The following SPATA19 variants were observed in gnomAD, a reference collection of about 807,000 sequenced individuals.
SPATA19 encodes the protein spermatogenesis-associated protein 19, mitochondrial.
SPATA19 carries 19 observed loss-of-function variants against 25.0 expected under a neutral mutation model. The ratio of observed to expected loss-of-function variants is 0.76; its 90% confidence interval spans 0.53 to 1.11. The LOEUF is 1.11. Ranked by LOEUF, SPATA19 falls within the 50% of genes most tolerant of loss-of-function variation. The pLI, the probability that SPATA19 is intolerant of heterozygous loss-of-function variation, is 0.00. For missense variants in SPATA19, 222 were observed against 211.4 expected, an observed-to-expected ratio of 1.05 and a Z score of -0.31; for synonymous variants, 64 against 69.3, an observed-to-expected ratio of 0.92 and a Z score of 0.38.
At chr11:133,844,386 A>G (rs374585632) in intron 3 of SPATA19, 49 bp from the exon 4 acceptor site, 18 of 1,611,130 alleles carry the variant, frequency 1.1e-5, no homozygotes, top group African/African-American at 4.0e-5. Flanking sequence ...GTGGCCCCCA[A>G]CTGGGCTGGC....
At position 133,844,317 on chromosome 11, in the gene SPATA19, C is replaced by CG. The variant is rs760415239; in HGVS notation, c.287_288insC (p.Lys96AsnfsTer3). ...GGCTCTGGTTTGCCAACAAATCAGA[C>CG]TTAGAGAGGTGGTGCTTCACCTGGG... On this transcript the variant is annotated frameshift_variant, in exon 4 of 7. Coordinates refer to ENST00000299140, the MANE Select transcript of SPATA19 (RefSeq NM_174927.3). LOFTEE classifies it high-confidence loss of function. The CG allele has an allele frequency of 1.2e-5, 20 of 1,614,186 alleles. No homozygotes were observed. In the African/African-American group the frequency reaches 1.6e-4, roughly 13 times the overall value.
intron 4 of SPATA19, 100 bp downstream of exon 4, chr11:133,844,146 G>C: frequency 1.0e-6 from 1 of 979,336 alleles, no homozygotes; most frequent in South Asian, 1.3e-5. Context: ...GTCAGCCAAA[G>C]ACGACATCTC....
chr11:133,842,248 G>A, intron 5 of SPATA19, 143 bp from the exon 6 acceptor site: 1 of 850,630 alleles, frequency 1.2e-6, no homozygotes, highest in Non-Finnish European at 2.0e-6. Flanking sequence ...ACAGTCATAT[G>A]AACAGGCCCA....
chr11:133,837,683 A>G (rs569838041), downstream of SPATA19, among the ~76,000 whole-genome samples: 47 of 152,328 alleles, frequency 3.1e-4, no homozygotes, highest in African/African-American at 1.1e-3. Flanking sequence ...GGGGAAGCTG[A>G]GAATCACACA....
chr11:133,842,404 G>A (rs1302569356), intron 5 of SPATA19, 81 bp downstream of exon 5: 61 of 1,058,392 alleles, frequency 5.8e-5, no homozygotes, highest in Admixed American at 1.2e-4. Context: ...ATTGCTGGGT[G>A]TGGGCGGGAA....
chr11:133,840,984 C>G (rs144438262), intron 6 of SPATA19, 61 bp from the exon 7 acceptor site: 276 of 152,298 alleles, frequency 1.8e-3, no homozygotes, highest in African/African-American at 6.5e-3. Flanking sequence ...GGAATTGAAG[C>G]CTGAGTCTGT....
chr11:133,842,239 CA>C, intron 5 of SPATA19, 134 bp from the exon 6 acceptor site: 2 of 898,358 alleles, frequency 2.2e-6, no homozygotes, highest in Non-Finnish European at 3.6e-6. Flanking sequence ...CCTGGGAGCA[CA>C]GTCATATGAA....
intron 1 of SPATA19, 25 bp from the exon 2 acceptor site, chr11:133,845,215 A>G (rs751210150): frequency 5.0e-6 from 8 of 1,612,610 alleles, no homozygotes; most frequent in Non-Finnish European, 6.8e-6. Context: ...CAAGTTGGTG[A>G]CCTCAGAAAA....
At chr11:133,838,742 C>T (rs1026162801), downstream of SPATA19, among the ~76,000 whole-genome samples, 1 of 152,126 alleles carries the variant, frequency 6.6e-6, no homozygotes, top group Non-Finnish European at 1.5e-5. Context: ...GGTGAACAGG[C>T]AACCTACAAA....
chr11:133,837,365 G>A (rs748132518), downstream of SPATA19, among the ~76,000 whole-genome samples: 60 of 152,180 alleles, frequency 3.9e-4, no homozygotes, highest in Non-Finnish European at 8.2e-4. Context: ...TACCTAAACT[G>A]TAACTGACAA....
chr11:133,842,365 G>A, intron 5 of SPATA19, 120 bp downstream of exon 5: 2 of 837,724 alleles, frequency 2.4e-6, no homozygotes, highest in Admixed American at 1.8e-5. Flanking sequence ...GTGTGTCTCT[G>A]CTCTTGATGT....
downstream of SPATA19, among the ~76,000 whole-genome samples, chr11:133,836,886 G>T (rs893891650): frequency 2.1e-4 from 32 of 152,120 alleles, no homozygotes; most frequent in African/African-American, 7.7e-4. Flanking sequence ...GCCAGGCTGG[G>T]GTTCTAGCAC....
chr11:133,842,594 G>C (rs770850486), intron 4 of SPATA19, 32 bp from the exon 5 acceptor site: 2 of 1,537,876 alleles, frequency 1.3e-6, no homozygotes, highest in Admixed American at 3.3e-5. Context: ...TTGGCATATG[G>C]GATCTGAGTT....
At position 133,845,479 on chromosome 11, in the gene SPATA19, C is replaced by T. The variant is rs769951642; in HGVS notation, c.-33G>A. ...TGTATACCAGGCCCCCTTCTTGGCT[C>T]CCTCCTTCCATTGAAGCTGCCTGAG... On this transcript the variant is annotated 5_prime_UTR_variant, in exon 1 of 7. Transcript: ENST00000299140. 1.9e-6 allele frequency: 3 copies of T among 1,611,682 alleles called. No homozygotes were observed. In the South Asian group the frequency reaches 3.3e-5, roughly 18 times the overall value.
chr11:133,845,218 TC>T, intron 1 of SPATA19, 28 bp from the exon 2 acceptor site: 2 of 1,612,604 alleles, frequency 1.2e-6, no homozygotes, highest in South Asian at 1.1e-5. Flanking sequence ...GTTGGTGACC[TC>T]AGAAAACCTA....
intron 4 of SPATA19, among the ~76,000 whole-genome samples, chr11:133,843,428 T>G (rs1938353029): frequency 6.6e-6 from 1 of 152,184 alleles, no homozygotes; most frequent in Non-Finnish European, 1.5e-5. Flanking sequence ...TCCTTTTGGT[T>G]ATGAAATTAC....
chr11:133,845,382 G>C lies in SPATA19; in HGVS notation c.65C>G (p.Pro22Arg), dbSNP rs200874627. 2.1e-5 allele frequency: 34 copies of C among 1,612,730 alleles called. 1 individual carries two copies. Among genetic ancestry groups the C allele is most frequent in the Admixed American group, 3.3e-5 (2 of 59,990 alleles). Reference sequence around the variant, plus strand: ...CAAGCTGCTTACCGAACTGGTTATTGGTAGGAAGGGAAGCCCTACACCTTT... The same window carrying C: ...CAAGCTGCTTACCGAACTGGTTATTCGTAGGAAGGGAAGCCCTACACCTTT... ...ARKGVGLPFL[P>R]ITSSDIDVVE... The change falls in exon 1 of 7, where the codon CCA becomes CGA. Residue 22 changes from proline (P) to arginine (R), a missense_variant. Transcript: ENST00000299140.
At chr11:133,844,373 A>G (rs1414344680) in intron 3 of SPATA19, 36 bp from the exon 4 acceptor site, 1 of 1,612,838 alleles carries the variant, frequency 6.2e-7, no homozygotes, top group African/African-American at 1.3e-5. Context: ...ATTCCTGCCC[A>G]GTGTGGCCCC....
intron 4 of SPATA19, among the ~76,000 whole-genome samples, chr11:133,843,657 C>T (rs1938358419): frequency 6.6e-6 from 1 of 152,214 alleles, no homozygotes; most frequent in South Asian, 2.1e-4. Flanking sequence ...GGCTGATGTG[C>T]TCCAGAGACC....
Sources: gnomAD v4.1 joint callset for allele counts (sites outside exome capture counted in the v4.1 genomes callset) on GRCh38, gnomAD v4.1.1 for gene constraint, MANE v1.5 for transcripts, NCBI Gene and HGNC (gene_info 2026-07-23, HGNC 2026-07-21) for gene names.